The following PACRG variants were observed in gnomAD, a reference collection of about 807,000 sequenced individuals.
PACRG encodes the protein parkin coregulated gene protein.
Under a neutral mutation model 29.7 loss-of-function variants are expected in PACRG, and 29 were observed. That is an observed-to-expected ratio of 0.98 (90% CI 0.73 to 1.33). The LOEUF (loss-of-function observed/expected upper bound fraction) is 1.33, where lower values mean the gene tolerates loss of function less well. Ranked by LOEUF, PACRG falls within the 40% of genes most tolerant of loss-of-function variation. The probability of loss-of-function intolerance (pLI) is 0.00; values close to 1 mark genes in which losing one functional copy is unlikely to be tolerated. For missense variants in PACRG, 279 were observed against 316.2 expected, an observed-to-expected ratio of 0.88 and a Z score of 0.89; for synonymous variants, 116 against 118.7, an observed-to-expected ratio of 0.98 and a Z score of 0.15.
At chr6:163,197,438 T>TCTTTTC (rs1386673428) in intron 4 of PACRG, among the ~76,000 whole-genome samples, 403 of 107,710 alleles carry the variant, frequency 3.7e-3, no homozygotes, top group African/African-American at 0.018. Flanking sequence ...TCTTTTCTTT[T>TCTTTTC]TTTTTTTTTT....
intron 4 of PACRG, among the ~76,000 whole-genome samples, chr6:163,200,155 CTT>C (rs1780637112): frequency 6.6e-6 from 1 of 152,144 alleles, no homozygotes; most frequent in Non-Finnish European, 1.5e-5. Flanking sequence ...CCAGAGGAAT[CTT>C]TTAGTCCTCT....
intron 4 of PACRG, among the ~76,000 whole-genome samples, chr6:163,296,687 C>G (rs1327335688): frequency 6.6e-6 from 1 of 152,190 alleles, no homozygotes; most frequent in Non-Finnish European, 1.5e-5. Flanking sequence ...AGACACACTA[C>G]TCGAGTAATG....
In PACRG at chr6:163,261,805, G is replaced by A. The variant is rs200546412; in HGVS notation, c.614-53022G>A. 2.0e-5 allele frequency among the ~76,000 whole-genome samples: 3 copies of A among 152,164 alleles called. No individual in the cohort carries two copies. In the East Asian group the frequency reaches 5.8e-4, roughly 29 times the overall value. ...CCTTACATTGTGTTAGATATGATAA[G>A]TAATATAGAGATGATTTAAAGGATA... On this transcript the variant is annotated intron_variant, in intron 4 of 4. Transcript: ENST00000366888.
intron 2 of PACRG, among the ~76,000 whole-genome samples, chr6:162,978,278 A>G (rs1421433089): frequency 1.3e-5 from 2 of 152,262 alleles, no homozygotes; most frequent in African/African-American, 2.4e-5. Flanking sequence ...ATAGATATTT[A>G]AAAGAACAGA....
intron 1 of PACRG, among the ~76,000 whole-genome samples, chr6:162,739,811 C>T (rs1330719605): frequency 6.8e-6 from 1 of 146,742 alleles, no homozygotes; most frequent in Non-Finnish European, 1.5e-5. Flanking sequence ...CACTGCACTC[C>T]AGCCTGGCAA....
chr6:163,283,778 G>C (rs1291440221), intron 4 of PACRG, among the ~76,000 whole-genome samples: 1 of 146,608 alleles, frequency 6.8e-6, no homozygotes, highest in Non-Finnish European at 1.5e-5. Flanking sequence ...TCCGCAGTCC[G>C]GCCTGGGCGA....
chr6:162,981,905 ATT>A (rs61345315), intron 2 of PACRG, among the ~76,000 whole-genome samples: 6,416 of 124,104 alleles, frequency 0.052, 361 homozygotes, highest in African/African-American at 0.14. Context: ...CTGGTCCTGG[ATT>A]TTTTTTTTTT....
At chr6:163,099,619 A>G (rs917080672) in intron 4 of PACRG, among the ~76,000 whole-genome samples, 1 of 152,190 alleles carries the variant, frequency 6.6e-6, no homozygotes, top group Non-Finnish European at 1.5e-5. Context: ...TTTATATGCA[A>G]ATCTTCCATG....
intron 2 of PACRG, among the ~76,000 whole-genome samples, chr6:162,918,900 G>T (rs1796877652): frequency 6.6e-6 from 1 of 151,998 alleles, no homozygotes; most frequent in Non-Finnish European, 1.5e-5. Flanking sequence ...ATAATTAATA[G>T]TTATTTAATA....
At chr6:163,066,068 G>T (rs1175500017) in intron 3 of PACRG, among the ~76,000 whole-genome samples, 2 of 152,138 alleles carry the variant, frequency 1.3e-5, no homozygotes, top group African/African-American at 4.8e-5. Context: ...CTCTTATTAC[G>T]CAGGTAGAAA....
At chr6:162,855,542 T>TA (rs1791317613) in intron 2 of PACRG, among the ~76,000 whole-genome samples, 1 of 152,080 alleles carries the variant, frequency 6.6e-6, no homozygotes, top group South Asian at 2.1e-4. Context: ...GTGAGGGACT[T>TA]AAAAATATTG....
intron 3 of PACRG, among the ~76,000 whole-genome samples, chr6:163,070,740 A>G (rs1585142024): frequency 6.6e-6 from 1 of 151,914 alleles, no homozygotes; most frequent in East Asian, 1.9e-4. Context: ...AAAAATCTCC[A>G]ATCAAAAGGC....
chr6:163,002,957 G>A (rs1200651123), intron 2 of PACRG, among the ~76,000 whole-genome samples: 1 of 152,110 alleles, frequency 6.6e-6, no homozygotes, highest in Non-Finnish European at 1.5e-5. Context: ...GAATTTTCAT[G>A]TCCAAATTTC....
intron 4 of PACRG, among the ~76,000 whole-genome samples, chr6:163,299,591 C>G (rs1286720680): frequency 6.6e-6 from 1 of 152,174 alleles, no homozygotes; most frequent in Non-Finnish European, 1.5e-5. Context: ...TCTGTAAAAA[C>G]TAAACATAGG....
chr6:163,206,316 G>A (rs758398993), intron 4 of PACRG, among the ~76,000 whole-genome samples: 1 of 152,090 alleles, frequency 6.6e-6, no homozygotes, highest in Non-Finnish European at 1.5e-5. Flanking sequence ...CAACCTAAAT[G>A]CCCATCAGTG....
intron 4 of PACRG, among the ~76,000 whole-genome samples, chr6:163,212,722 C>G (rs933184972): frequency 1.4e-5 from 2 of 146,964 alleles, no homozygotes; most frequent in African/African-American, 5.0e-5. Flanking sequence ...TATTATCTCC[C>G]AACAAAATGC....
At chr6:162,874,421 T>C (rs1458413487) in intron 2 of PACRG, among the ~76,000 whole-genome samples, 1 of 152,140 alleles carries the variant, frequency 6.6e-6, no homozygotes, top group African/African-American at 2.4e-5. Flanking sequence ...TCCATCTTCC[T>C]TCTTAGAGTG....
intron 2 of PACRG, among the ~76,000 whole-genome samples, chr6:162,875,982 G>A (rs570887758): frequency 6.6e-6 from 1 of 152,272 alleles, no homozygotes; most frequent in African/African-American, 2.4e-5. Context: ...GAAGGAAAAT[G>A]TTTATACATT....
chr6:163,273,916 T>C (rs1424946878), intron 4 of PACRG, among the ~76,000 whole-genome samples: 1 of 147,592 alleles, frequency 6.8e-6, no homozygotes, highest in Non-Finnish European at 1.5e-5. Context: ...TTTAAATTCT[T>C]ACTTGTTAAT....
Sources: gnomAD v4.1 joint callset for allele counts (sites outside exome capture counted in the v4.1 genomes callset) on GRCh38, gnomAD v4.1.1 for gene constraint, MANE v1.5 for transcripts, NCBI Gene and HGNC (gene_info 2026-07-23, HGNC 2026-07-21) for gene names.